Variants in GALNT17 observed in about 807,000 individuals in gnomAD.
GALNT17 encodes UDP-GalNAc:polypeptide N-acetylgalactosaminyltransferase-like 3.
A neutral mutation model predicts 63.7 loss-of-function variants in GALNT17; 29 were observed. That is an observed-to-expected ratio of 0.46 (90% confidence interval 0.34 to 0.62). The LOEUF (loss-of-function observed/expected upper bound fraction) is 0.62, where lower values mean the gene tolerates loss of function less well. Among genes scored for constraint, GALNT17 ranks in the 20% least tolerant of loss-of-function variants. GALNT17 has a pLI of 0.01. For missense variants in GALNT17, 603 were observed against 799.6 expected (o/e 0.75, Z 2.97); for synonymous variants, 305 against 318.3 (o/e 0.96, Z 0.45).
intron 6 of GALNT17, among the ~76,000 whole-genome samples, chr7:71,649,928 C>CTT (rs745968639): frequency 6.6e-5 from 10 of 152,218 alleles, no homozygotes; most frequent in Non-Finnish European, 1.0e-4. Flanking sequence ...AGTCAAGCTT[C>CTT]TTTCCAAGGG....
chr7:71,502,105 GCT>G (rs1475949536), intron 5 of GALNT17, among the ~76,000 whole-genome samples: 1 of 152,068 alleles, frequency 6.6e-6, no homozygotes, highest in Non-Finnish European at 1.5e-5. Flanking sequence ...ACATACGCAG[GCT>G]CTTGCATTAA....
chr7:71,621,517 GGATGGATGGATGGATGGATT>G (rs1197401265), intron 6 of GALNT17, among the ~76,000 whole-genome samples: 6 of 111,322 alleles, frequency 5.4e-5, no homozygotes, highest in African/African-American at 1.3e-4. Flanking sequence ...ATGGATGGAT[GGATGGATGGATGGATGGATT>G]GATGGATTGA....
chr7:71,575,101 A>G (rs1789514109), intron 6 of GALNT17, among the ~76,000 whole-genome samples: 1 of 152,172 alleles, frequency 6.6e-6, no homozygotes, highest in African/African-American at 2.4e-5. Flanking sequence ...CAAATGAAAT[A>G]ATATACACAA....
intron 6 of GALNT17, among the ~76,000 whole-genome samples, chr7:71,591,488 C>G (rs1789800543): frequency 6.6e-6 from 1 of 152,186 alleles, no homozygotes; most frequent in African/African-American, 2.4e-5. Context: ...GCTCAGCCTT[C>G]CAGGACCTCC....
chr7:71,644,448 T>C (rs749056325), intron 6 of GALNT17, among the ~76,000 whole-genome samples: 3 of 146,868 alleles, frequency 2.0e-5, no homozygotes, highest in Admixed American at 6.9e-5. Flanking sequence ...GGCAGGAGAA[T>C]TGCTCGGGAG....
In GALNT17 at chr7:71,335,634, A is replaced by G; in HGVS notation, c.323A>G (p.Glu108Gly). Residue 108 changes from glutamate (E) to glycine (G), a missense_variant, in exon 2 of 11, where the codon GAA becomes GGA. Physicochemically the swap from Glu to Gly is moderately conservative, Grantham distance 98. Coordinates refer to ENST00000333538, the MANE Select transcript of GALNT17 (RefSeq NM_022479.3). ...GLPATLSPAEEEKAKGPHEKY... is the reference protein window; with the variant it reads ...GLPATLSPAEGEKAKGPHEKY... ...CCGGCTACTCTTTCCCCGGCTGAAGAAGAAAAGGCTAAGGGACCCCATGAG... is the reference window on the plus strand; with the variant it reads ...CCGGCTACTCTTTCCCCGGCTGAAGGAGAAAAGGCTAAGGGACCCCATGAG... 1 of 1,613,094 alleles carries G rather than the reference A, an allele frequency of 6.2e-7. No individual in the cohort carries two copies. The highest frequency in any genetic ancestry group is 8.5e-7 in the Non-Finnish European group (1 of 1,179,496).
At chr7:71,674,833 G>A (rs927208333) in intron 8 of GALNT17, among the ~76,000 whole-genome samples, 3 of 152,092 alleles carry the variant, frequency 2.0e-5, no homozygotes, top group African/African-American at 7.2e-5. Context: ...TGCTTTTAAC[G>A]CTTAGGGAAG....
intron 1 of GALNT17, among the ~76,000 whole-genome samples, chr7:71,283,331 C>T (rs755140562): frequency 6.6e-6 from 1 of 152,248 alleles, no homozygotes; most frequent in South Asian, 2.1e-4. Context: ...GTGCCCAGCT[C>T]TCCCTGCTTT....
chr7:71,300,285 A>G (rs1185279049), intron 1 of GALNT17: 2 of 314,900 alleles, frequency 6.4e-6, no homozygotes, highest in Non-Finnish European at 1.3e-5. Context: ...AAGAGAGGAA[A>G]TGTATCTGGA....
At chr7:71,209,986 A>C (rs979649809) in intron 1 of GALNT17, among the ~76,000 whole-genome samples, 4 of 151,900 alleles carry the variant, frequency 2.6e-5, no homozygotes, top group Admixed American at 2.6e-4. Flanking sequence ...GCAGTGGCAC[A>C]AACTGAGCTC....
intron 5 of GALNT17, among the ~76,000 whole-genome samples, chr7:71,523,561 C>T (rs1346626041): frequency 6.6e-6 from 1 of 151,244 alleles, no homozygotes; most frequent in African/African-American, 2.4e-5. Context: ...TTGAGATCAG[C>T]CTGGACATGA....
chr7:71,471,765 T>A (rs574211731), intron 5 of GALNT17, among the ~76,000 whole-genome samples: 1 of 152,324 alleles, frequency 6.6e-6, no homozygotes, highest in African/African-American at 2.4e-5. Context: ...CAAGACCATT[T>A]TTTTCCCATC....
At chr7:71,676,562 GT>G (rs1191184036) in intron 8 of GALNT17, among the ~76,000 whole-genome samples, 1 of 151,808 alleles carries the variant, frequency 6.6e-6, no homozygotes, top group Non-Finnish European at 1.5e-5. Context: ...TTGTTTTAAT[GT>G]TTTTTTAGGA....
intron 6 of GALNT17, among the ~76,000 whole-genome samples, chr7:71,616,929 T>TCTTATAAGAATCATATTAAGAATAAATA (rs1562711750): frequency 8.5e-4 from 123 of 145,264 alleles, no homozygotes; most frequent in African/African-American, 2.8e-3. Flanking sequence ...AATAAATAAT[T>TCTTATAAGAATCATATTAAGAATAAATA]ATTATATCAT....
chr7:71,661,702 G>T (rs1281487590), intron 6 of GALNT17, among the ~76,000 whole-genome samples: 2 of 152,126 alleles, frequency 1.3e-5, no homozygotes, highest in African/African-American at 2.4e-5. Context: ...AGTTCACCCT[G>T]GGCTTGCTGG....
At position 71,248,045 on chromosome 7, in the gene GALNT17, A is replaced by G. The variant is rs114627359; in HGVS notation, c.239-87505A>G. Among the ~76,000 whole-genome samples, 1,084 of 152,246 alleles carry G rather than the reference A, an allele frequency of 7.1e-3. 14 individuals carry two copies. The highest frequency in any genetic ancestry group is 0.025 in the African/African-American group (1,026 of 41,540). On this transcript the variant is annotated intron_variant, in intron 1 of 10. Coordinates refer to ENST00000333538, the MANE Select transcript of GALNT17 (RefSeq NM_022479.3). ...TGTTCTCACACTGCTATAAAGGAAG[A>G]CCCAAGACTGGGTAATTTATAAAGG...
intron 1 of GALNT17, among the ~76,000 whole-genome samples, chr7:71,288,023 G>C (rs1790906169): frequency 7.2e-6 from 1 of 139,324 alleles, no homozygotes; most frequent in Admixed American, 7.5e-5. Flanking sequence ...CTTCACTCCA[G>C]ACTGGTGACA....
At position 71,265,190 on chromosome 7, in the gene GALNT17, G is replaced by A. The variant is rs541955516; in HGVS notation, c.239-70360G>A. ...CACTCAGTCTGGAGTGCAGTGGCGC[G>A]ATCTTGGCTCACTGCAACCTCCGCC... On this transcript the variant is annotated intron_variant, in intron 1 of 10. Transcript: ENST00000333538. Among the ~76,000 whole-genome samples, 44 of 137,838 alleles carry A rather than the reference G, an allele frequency of 3.2e-4. 1 individual carries two copies. In the South Asian group the frequency reaches 0.011, roughly 33 times the overall value. 90.4% of individuals were successfully genotyped at this position (137,838 alleles called of 152,430 possible).
At chr7:71,300,388 A>G (rs945135026) in intron 1 of GALNT17, 3 of 454,870 alleles carry the variant, frequency 6.6e-6, no homozygotes, top group African/African-American at 2.0e-5. Context: ...AGACACAGAG[A>G]GAGGACTGTC....
Sources: gnomAD v4.1 joint callset for allele counts (sites outside exome capture counted in the v4.1 genomes callset) on GRCh38, gnomAD v4.1.1 for gene constraint, MANE v1.5 for transcripts, NCBI Gene and HGNC (gene_info 2026-07-23, HGNC 2026-07-21) for gene names.